CYB5R4: variants seen among roughly 807,000 people sequenced by gnomAD.
CYB5R4 encodes the protein cytochrome b5 reductase 4.
CYB5R4 carries 55 observed loss-of-function variants against 70.2 expected under a neutral mutation model. That is an observed-to-expected ratio of 0.78 (90% CI 0.63 to 0.98). The LOEUF is 0.98. Ranked by LOEUF, CYB5R4 falls within the 50% of genes least tolerant of loss-of-function variation. CYB5R4 has a pLI of 0.00. For missense variants in CYB5R4, 562 were observed against 612.6 expected, an observed-to-expected ratio of 0.92 and a Z score of 0.87; for synonymous variants, 197 against 199.5, an observed-to-expected ratio of 0.99 and a Z score of 0.11.
intron 2 of CYB5R4, among the ~76,000 whole-genome samples, chr6:83,870,772 C>G (rs2099457466): frequency 6.6e-6 from 1 of 151,902 alleles, no homozygotes; most frequent in South Asian, 2.1e-4. Context: ...TATTTGTAAC[C>G]TCAAACTCAG....
chr6:83,961,995 C>G lies in CYB5R4; in HGVS notation c.*2117C>G, dbSNP rs949589149. On this transcript the variant is annotated 3_prime_UTR_variant, in exon 16 of 16. Coordinates refer to ENST00000369681, the MANE Select transcript of CYB5R4 (RefSeq NM_016230.4). ...ATAAGTGTCTCCTGGGTAATCTCCA[C>G]TGACATGATTTTATCAACTTACATG... 1 of 151,890 alleles carries G rather than the reference C, an allele frequency of 6.6e-6. No individual in the cohort carries two copies. The highest frequency in any genetic ancestry group is 6.6e-5 in the Admixed American group (1 of 15,226). The allele number at this position is 151,890 out of a possible 1,614,324, so 9.4% of individuals were successfully genotyped here. A position where few individuals can be genotyped will look rare whatever the true frequency, so the allele number is the denominator to read the frequency against.
chr6:83,893,835 A>G (rs1012940695), intron 3 of CYB5R4, among the ~76,000 whole-genome samples: 1 of 152,154 alleles, frequency 6.6e-6, no homozygotes, highest in African/African-American at 2.4e-5. Flanking sequence ...ATCTGCGACT[A>G]GGGGTCTTCT....
intron 14 of CYB5R4, among the ~76,000 whole-genome samples, chr6:83,942,411 G>A (rs1030729013): frequency 3.9e-5 from 6 of 152,226 alleles, no homozygotes; most frequent in Non-Finnish European, 7.3e-5. Context: ...ACTGTGCCAT[G>A]AGTGACTGTG....
intron 14 of CYB5R4, among the ~76,000 whole-genome samples, chr6:83,942,591 G>A (rs893431707): frequency 1.3e-5 from 2 of 152,066 alleles, no homozygotes; most frequent in African/African-American, 4.8e-5. Context: ...CCCCAGTGGC[G>A]CCTGGAACAC....
chr6:83,914,423 T>G lies in CYB5R4; in HGVS notation c.420T>G (p.Arg140=). ...TTCTAAATCACTATACAGACTATCGTGAGGAGGAAAAGAAAGTCTTAAATG... is the reference window on the plus strand; with the variant it reads ...TTCTAAATCACTATACAGACTATCGGGAGGAGGAAAAGAAAGTCTTAAATG... ...AIKPAVLKDY[R]EEEKKVLNGM... is the part of the protein sequence containing the mutation. Residue 140 remains arginine, a synonymous_variant, in exon 5 of 16, where the codon CGT becomes CGG. Transcript: ENST00000369681. 6.5e-7 allele frequency: 1 copy of G among 1,531,766 alleles called. No homozygotes were observed. The highest frequency in any genetic ancestry group is 8.9e-7 in the Non-Finnish European group (1 of 1,125,466). 94.9% of individuals were successfully genotyped at this position (1,531,766 alleles called of 1,614,324 possible).
chr6:83,937,759 T>C (rs2099469154), intron 12 of CYB5R4, among the ~76,000 whole-genome samples: 1 of 152,224 alleles, frequency 6.6e-6, no homozygotes, highest in African/African-American at 2.4e-5. Flanking sequence ...CCTTAGATGA[T>C]TGGCCCGCCT....
chr6:83,881,579 T>C (rs1588562465), intron 2 of CYB5R4, among the ~76,000 whole-genome samples: 1 of 152,344 alleles, frequency 6.6e-6, no homozygotes, highest in East Asian at 1.9e-4. Context: ...GTTGAACAAA[T>C]TGTTTTTTAT....
chr6:83,874,852 C>G (rs937067479), intron 2 of CYB5R4, among the ~76,000 whole-genome samples: 11 of 150,582 alleles, frequency 7.3e-5, no homozygotes, highest in African/African-American at 2.7e-4. Flanking sequence ...TAGATAGAGT[C>G]TCACTCTGTC....
Position 83,940,133 on chromosome 6 carries a change from T to C in CYB5R4, c.1186T>C (p.Leu396=). ...KFQELEDLFL[L]AAGTGFTPMV... is the part of the protein sequence containing the mutation. ...CCAAGAATTAGAAGATCTCTTTTTG[T>C]TGGCAGCTGGAACAGGCTTCACACC... is the stretch of plus-strand genomic sequence containing the variant. Residue 396 remains leucine, a synonymous_variant, in exon 13 of 16, where the codon TTG becomes CTG. Transcript: ENST00000369681. 1.9e-6 allele frequency: 3 copies of C among 1,613,038 alleles called. No homozygotes were observed. In the Middle Eastern group the frequency reaches 5.0e-4, roughly 267 times the overall value.
At chr6:83,893,429 G>T in intron 2 of CYB5R4, 93 bp from the exon 3 acceptor site, 2 of 705,398 alleles carry the variant, frequency 2.8e-6, no homozygotes, top group Non-Finnish European at 4.8e-6. Flanking sequence ...TAAATGGAAT[G>T]TATTTGGAAA....
In CYB5R4 at chr6:83,859,834, G is replaced by A; in HGVS notation, c.52G>A (p.Val18Ile). 1 of 1,613,354 alleles carries A rather than the reference G, an allele frequency of 6.2e-7. No homozygotes were observed. The highest frequency in any genetic ancestry group is 8.5e-7 in the Non-Finnish European group (1 of 1,179,830). The part of the protein sequence containing the change: ...SFPAPRSQQR[V>I]ASGGRSKVPL... ...CCCGGCCCCCAGGTCGCAGCAGCGT[G>A]TCGCCTCCGGGGGGCGTAGCAAGGT... is the stretch of plus-strand genomic sequence containing the variant. The change falls in exon 1 of 16, where the codon GTC becomes ATC. Residue 18 changes from valine to isoleucine, a missense_variant. Physicochemically the swap from Val to Ile is conservative, Grantham distance 29 (BLOSUM62 3). Coordinates refer to ENST00000369681, the MANE Select transcript of CYB5R4 (RefSeq NM_016230.4).
intron 10 of CYB5R4, among the ~76,000 whole-genome samples, chr6:83,926,835 A>C (rs1430685838): frequency 6.6e-6 from 1 of 152,220 alleles, no homozygotes; most frequent in Non-Finnish European, 1.5e-5. Context: ...CAAGCTTCTT[A>C]AATGAACTTG....
At chr6:83,897,831 A>G (rs186993612) in intron 3 of CYB5R4, among the ~76,000 whole-genome samples, 5 of 152,210 alleles carry the variant, frequency 3.3e-5, no homozygotes, top group Admixed American at 2.0e-4. Context: ...ATTTTCTCCC[A>G]TTCTGTAGGT....
At chr6:83,958,497 A>G (rs1298728156) in intron 15 of CYB5R4, among the ~76,000 whole-genome samples, 1 of 152,160 alleles carries the variant, frequency 6.6e-6, no homozygotes, top group African/African-American at 2.4e-5. Flanking sequence ...AGAGATGGAG[A>G]AGGGGATAGT....
intron 3 of CYB5R4, among the ~76,000 whole-genome samples, chr6:83,907,159 TC>T (rs1382840639): frequency 1.3e-5 from 2 of 152,170 alleles, no homozygotes; most frequent in Non-Finnish European, 2.9e-5. Flanking sequence ...TACTGCAACC[TC>T]GAACTCCTGG....
At chr6:83,892,251 T>TTTATAA (rs1234749487) in intron 2 of CYB5R4, among the ~76,000 whole-genome samples, 13 of 152,230 alleles carry the variant, frequency 8.5e-5, no homozygotes, top group Non-Finnish European at 5.9e-5. Context: ...AAAGCTGGAC[T>TTTATAA]GGTTGGTTAT....
intron 3 of CYB5R4, among the ~76,000 whole-genome samples, chr6:83,899,931 G>A (rs2099462606): frequency 1.3e-5 from 2 of 152,044 alleles, no homozygotes; most frequent in Non-Finnish European, 1.5e-5. Context: ...TGGATTCATT[G>A]ATTTTTTTGA....
chr6:83,872,898 G>T (rs1318855387), intron 2 of CYB5R4, among the ~76,000 whole-genome samples: 9 of 152,176 alleles, frequency 5.9e-5, no homozygotes, highest in African/African-American at 2.2e-4. Context: ...AACAAAAAGT[G>T]ATACTGTTGC....
Position 83,919,416 on chromosome 6 carries a change from G to C in CYB5R4, c.526G>C (p.Asp176His). 6 of 1,521,556 alleles carry C rather than the reference G, an allele frequency of 3.9e-6. No homozygotes were observed. Among genetic ancestry groups the C allele is most frequent in the Non-Finnish European group, 5.4e-6 (6 of 1,116,254 alleles). 94.3% of individuals were successfully genotyped at this position (1,521,556 alleles called of 1,614,324 possible). Residue 176 changes from aspartate to histidine, a missense_variant, in exon 7 of 16, where the codon GAC (aspartate) becomes CAC (histidine). Transcript: ENST00000369681. ...SYPSYDWFQT[D>H]SLVTIAIYTK... ...TTACAGCTATGATTGGTTCCAAACA[G>C]ACTCTTTAGTCACCATTGCCATATA... is the stretch of plus-strand genomic sequence containing the variant.
Sources: gnomAD v4.1 joint callset for allele counts (sites outside exome capture counted in the v4.1 genomes callset) on GRCh38, gnomAD v4.1.1 for gene constraint, MANE v1.5 for transcripts, NCBI Gene and HGNC (gene_info 2026-07-23, HGNC 2026-07-21) for gene names.